RNF213: variants seen among roughly 807,000 people sequenced by gnomAD.
The protein encoded by RNF213 is E3 ubiquitin-protein ligase RNF213.
Under a neutral mutation model 514.4 loss-of-function variants are expected in RNF213, and 341 were observed. The observed-to-expected ratio is 0.66, with a 90% CI of 0.61 to 0.73. The LOEUF is 0.73. Among genes scored for constraint, RNF213 ranks in the 30% least tolerant of loss-of-function variants. The pLI is 0.00. For synonymous variants in RNF213, 2,655 were observed against 2,658.2 expected (o/e 1.00, Z 0.04); for missense variants, 5,767 against 6,615.6 (o/e 0.87, Z 4.45).
chr17:80,287,136 G>A (rs1335635039), intron 3 of RNF213, among the ~76,000 whole-genome samples: 1 of 152,070 alleles, frequency 6.6e-6, no homozygotes, highest in Non-Finnish European at 1.5e-5. Context: ...AAGATGGGAG[G>A]ATTGCCTGAG....
intron 64 of RNF213, 180 bp downstream of exon 64, chr17:80,388,869 G>A (rs1171997965): frequency 4.5e-6 from 3 of 662,294 alleles, no homozygotes; most frequent in Non-Finnish European, 5.4e-6. Flanking sequence ...TAGAGTAAAA[G>A]CAGATTGACA....
At chr17:80,301,495 G>A (rs916330191) in intron 11 of RNF213, among the ~76,000 whole-genome samples, 3 of 152,042 alleles carry the variant, frequency 2.0e-5, no homozygotes, top group African/African-American at 2.4e-5. Flanking sequence ...AATGAGTTGA[G>A]TAGTCATCTA....
In RNF213 at chr17:80,386,801, C is replaced by T. The variant is rs745692862; in HGVS notation, c.14832C>T (p.Gly4944=). ...ACTGCCAGTACCAGGTGGAGGAGGGCAGAGAGACCGTGCAGGAGTTCGATC... is the reference window on the plus strand; with the variant it reads ...ACTGCCAGTACCAGGTGGAGGAGGGTAGAGAGACCGTGCAGGAGTTCGATC... The part of the protein sequence containing the change: ...LSNCQYQVEE[G]RETVQEFDLE... Residue 4944 remains glycine (G), a synonymous_variant, in exon 63 of 68, where the codon GGC becomes GGT. Coordinates refer to ENST00000582970, the MANE Select transcript of RNF213 (RefSeq NM_001256071.3). 1.7e-5 allele frequency: 27 copies of T among 1,614,100 alleles called. No individual in the cohort carries two copies. Among genetic ancestry groups the T allele is most frequent in the Non-Finnish European group, 2.2e-5 (26 of 1,180,042 alleles).
intron 15 of RNF213, chr17:80,316,453 C>T (rs2045952124): frequency 6.6e-6 from 1 of 152,536 alleles, no homozygotes; most frequent in Non-Finnish European, 1.5e-5. Context: ...GGGAACTCTT[C>T]TAGAAAAGAG....
chr17:80,367,843 C>T lies in RNF213; in HGVS notation c.11967C>T (p.Leu3989=). The T allele has an allele frequency of 6.2e-7, 1 of 1,614,248 alleles. No homozygotes were observed. Among genetic ancestry groups the T allele is most frequent in the Non-Finnish European group, 8.5e-7 (1 of 1,180,024 alleles). ...CECKETASKT[L]SRFGIQPCSI... ...GCAAGGAGACAGCCAGCAAGACCCT[C>T]AGCAGGTGAGACCTTAGGTTTGGAT... Residue 3989 remains leucine, a synonymous_variant, in exon 43 of 68, where the codon CTC becomes CTT. Transcript: ENST00000582970.
In RNF213 at chr17:80,346,156, A is replaced by C. The variant is rs144518053; in HGVS notation, c.7821A>C (p.Leu2607=). 1.1e-4 allele frequency: 184 copies of C among 1,614,184 alleles called. 2 individuals carry two copies. The African/African-American group carries it at 2.2e-3, about 19-fold the overall frequency. ...AGAGACTGGTTGAGTCCATCAGCCT[A>C]GATGAAAACGGGACTCGCGTGATCA... ...IVQRLVESIS[L]DENGTRVITE... The change falls in exon 29 of 68, where the codon CTA becomes CTC. Residue 2607 remains leucine, a synonymous_variant. Transcript: ENST00000582970. This position sits in a 1 kb window ranked among gnomAD's most constrained non-coding sequence, Gnocchi z 8.1.
chr17:80,300,553 T>TTTTTG (rs1423260921), intron 11 of RNF213, among the ~76,000 whole-genome samples: 1 of 150,870 alleles, frequency 6.6e-6, no homozygotes, highest in Non-Finnish European at 1.5e-5. Context: ...CTCATTGTGG[T>TTTTTG]TTTTGTTTTG....
chr17:80,280,100 G>T (rs906794299), intron 3 of RNF213, among the ~76,000 whole-genome samples: 4 of 149,962 alleles, frequency 2.7e-5, no homozygotes, highest in Non-Finnish European at 4.4e-5. Flanking sequence ...TCCTCTGTGG[G>T]CTGGGGCTTG....
intron 11 of RNF213, among the ~76,000 whole-genome samples, chr17:80,302,438 A>G (rs1394748492): frequency 1.3e-5 from 2 of 152,228 alleles, no homozygotes; most frequent in African/African-American, 2.4e-5. Flanking sequence ...ACATATTTAT[A>G]TGTATATACA....
At chr17:80,286,842 G>T (rs1470590602) in intron 3 of RNF213, among the ~76,000 whole-genome samples, 1 of 151,978 alleles carries the variant, frequency 6.6e-6, no homozygotes, top group East Asian at 1.9e-4. Flanking sequence ...ATGCCTGTGG[G>T]GTCCCAGGGT....
At position 80,263,589 on chromosome 17, in the gene RNF213, CCGTGGTCACGTGACAGGACATGTAG is replaced by C; in HGVS notation, c.-92_-68del. 1 of 1,019,004 alleles carries C rather than the reference CCGTGGTCACGTGACAGGACATGTAG, an allele frequency of 9.8e-7. No individual in the cohort carries two copies. Among genetic ancestry groups the C allele is most frequent in the Non-Finnish European group, 1.6e-6 (1 of 638,148 alleles). The allele number at this position is 1,019,004 out of a possible 1,614,324, so 63.1% of individuals were successfully genotyped here. ...ACTTTCGCAGAAAATGAAACTGAAG[CCGTGGTCACGTGACAGGACATGTAG>C]TATATAGCAGGCTGCCAGCGACTCC... On this transcript the variant is annotated 5_prime_UTR_variant, in exon 2 of 68. It removes an upstream start codon present in the reference 5' UTR. Coordinates refer to ENST00000582970, the MANE Select transcript of RNF213 (RefSeq NM_001256071.3). This position sits in a 1 kb window ranked among gnomAD's most constrained non-coding sequence, Gnocchi z 4.9.
rs778314396 is a variant in RNF213 at position 80,386,401 on chromosome 17, C to T, written c.14691C>T (p.Ala4897=). The T allele has an allele frequency of 4.3e-6, 7 of 1,614,010 alleles. No homozygotes were observed. Among genetic ancestry groups the T allele is most frequent in the Non-Finnish European group, 5.1e-6 (6 of 1,180,030 alleles). Residue 4897 remains alanine, a synonymous_variant, in exon 62 of 68, where the codon GCC becomes GCT. Transcript: ENST00000582970. ...LIRLHNEIVY[A]VEKLSKENNS... ...GCCTACACAATGAAATTGTCTACGC[C>T]GTGGAAAAACTCTCCAAGGAAAACA...
intron 2 of RNF213, among the ~76,000 whole-genome samples, chr17:80,269,424 C>T (rs924156133): frequency 6.8e-6 from 1 of 146,894 alleles, no homozygotes. Context: ...TCCATCCATC[C>T]ATTCATCTAT....
intron 17 of RNF213, chr17:80,319,691 G>C: frequency 7.0e-7 from 1 of 1,436,236 alleles, no homozygotes; most frequent in South Asian, 1.5e-5. Context: ...TCCAAAGGTT[G>C]ACAGAACATT....
At chr17:80,337,432 TG>T in intron 23 of RNF213, 153 bp from the exon 24 acceptor site, 2 of 908,356 alleles carry the variant, frequency 2.2e-6, no homozygotes, top group Non-Finnish European at 3.3e-6. Flanking sequence ...CTGGTCCAGC[TG>T]GGGCGCTGGG....
intron 47 of RNF213, among the ~76,000 whole-genome samples, chr17:80,372,315 T>TCCTCATAGGTTCACTTTTCC (rs2079548751): frequency 6.6e-6 from 1 of 152,150 alleles, no homozygotes; most frequent in South Asian, 2.1e-4. Flanking sequence ...TAATTTTTTT[T>TCCTCATAGGTTCACTTTTCC]CCTCATAGGT....
rs2079348786 is a variant in RNF213 at position 80,368,002 on chromosome 17, A to G, written c.12014A>G (p.Lys4005Arg). ...TGCTCCATCTGCCTGGGAGATGCAA[A>G]GGACCCCGTCTGTCTGCCCTGCGAC... ...QPCSICLGDA[K>R]DPVCLPCDHV... Residue 4005 changes from lysine to arginine, a missense_variant, in exon 44 of 68, where the codon AAG becomes AGG. Coordinates refer to ENST00000582970, the MANE Select transcript of RNF213 (RefSeq NM_001256071.3). 1 of 1,614,108 alleles carries G rather than the reference A, an allele frequency of 6.2e-7. No homozygotes were observed. The highest frequency in any genetic ancestry group is 1.3e-5 in the African/African-American group (1 of 74,930).
Position 80,345,440 on chromosome 17 carries a change from C to T in RNF213, c.7105C>T (p.Pro2369Ser). 1 of 1,612,708 alleles carries T rather than the reference C, an allele frequency of 6.2e-7. No individual in the cohort carries two copies. Among genetic ancestry groups the T allele is most frequent in the Non-Finnish European group, 8.5e-7 (1 of 1,179,028 alleles). Residue 2369 changes from proline to serine, a missense_variant, in exon 29 of 68, where the codon CCC becomes TCC. By Grantham distance (74) the Pro-to-Ser change is moderately conservative. Coordinates refer to ENST00000582970, the MANE Select transcript of RNF213 (RefSeq NM_001256071.3). The surrounding 1 kb of genome is among the most constrained non-coding windows in gnomAD (Gnocchi z 6.0). ...VPFNVDFDKL[P>S]RHKKLERLCL... Reference sequence around the variant, plus strand: ...CTTCAATGTCGACTTTGATAAACTGCCCAGACACAAGAAACTTGAGAGGCT... The same window carrying T: ...CTTCAATGTCGACTTTGATAAACTGTCCAGACACAAGAAACTTGAGAGGCT...
rs1347742520 is a variant in RNF213, at chr17:80,332,554, G to A, written c.4066G>A (p.Ala1356Thr). ...YHHLHQAVHA[A>T]KVILQVKESL... is the part of the protein sequence containing the mutation. ...TCACCTGCACCAGGCTGTCCACGCA[G>A]CCAAGGTCATCTTGCAGGTCAAAGA... Residue 1356 changes from alanine (A) to threonine (T), a missense_variant, in exon 21 of 68, where the codon GCC (alanine) becomes ACC (threonine). Ala to Thr is a moderately conservative substitution (Grantham distance 58, BLOSUM62 0). Around this residue, in one of 13 missense-constraint regions of RNF213, gnomAD observed 516 missense variants for 566.5 expected, o/e 0.91. Coordinates refer to ENST00000582970, the MANE Select transcript of RNF213 (RefSeq NM_001256071.3). 3.3e-6 allele frequency: 5 copies of A among 1,535,210 alleles called. No homozygotes were observed. The highest frequency in any genetic ancestry group is 3.5e-6 in the Non-Finnish European group (4 of 1,145,308).
Sources: allele counts gnomAD v4.1 joint callset (sites outside exome capture counted in the v4.1 genomes callset), GRCh38; gene constraint gnomAD v4.1.1; regional missense constraint gnomAD v4.1.1; non-coding constraint Gnocchi (gnomAD v3.1); transcripts MANE v1.5; gene names NCBI Gene and HGNC (gene_info 2026-07-23, HGNC 2026-07-21).